The following SPECC1 variants were observed in gnomAD, a reference collection of about 807,000 sequenced individuals.
SPECC1 encodes the protein cytospin-B.
A neutral mutation model predicts 104.1 loss-of-function variants in SPECC1; 62 were observed. The observed-to-expected ratio is 0.60, with a 90% CI of 0.49 to 0.74. The LOEUF (loss-of-function observed/expected upper bound fraction) is 0.74, where lower values mean the gene tolerates loss of function less well. Among genes scored for constraint, SPECC1 ranks in the 30% least tolerant of loss-of-function variants. The pLI, the probability that SPECC1 is intolerant of heterozygous loss-of-function variation, is 0.00. For synonymous variants in SPECC1, 513 were observed against 501.6 expected (o/e 1.02, Z -0.30); for missense variants, 1,306 against 1,310.5 (o/e 1.00, Z 0.05).
chr17:20,239,368 A>G, intron 7 of SPECC1: 2 of 774,046 alleles, frequency 2.6e-6, no homozygotes, highest in Non-Finnish European at 3.2e-6. Flanking sequence ...TTCTTTACTC[A>G]TGAATATGTA....
intron 10 of SPECC1, among the ~76,000 whole-genome samples, chr17:20,256,112 C>T (rs1362106792): frequency 6.6e-6 from 1 of 151,652 alleles, no homozygotes; most frequent in Admixed American, 6.6e-5. Flanking sequence ...CTCCTGACCT[C>T]GTAATCCACC....
At chr17:20,246,354 A>G (rs1025726075) in intron 8 of SPECC1, among the ~76,000 whole-genome samples, 3 of 152,176 alleles carry the variant, frequency 2.0e-5, no homozygotes, top group South Asian at 2.1e-4. Flanking sequence ...TCTGCCTCTC[A>G]TAGCCATTAA....
intron 12 of SPECC1, among the ~76,000 whole-genome samples, chr17:20,270,753 AAGGGTGTGTTACACT>A (rs1217706957): frequency 6.6e-6 from 1 of 152,196 alleles, no homozygotes; most frequent in Non-Finnish European, 1.5e-5. Context: ...GTTTTTGCAA[AAGGGTGTGTTACACT>A]TTCCATTTTA....
intron 3 of SPECC1, among the ~76,000 whole-genome samples, chr17:20,189,988 T>G (rs1040681254): frequency 6.6e-6 from 1 of 152,238 alleles, no homozygotes; most frequent in Non-Finnish European, 1.5e-5. Context: ...TTTTGTGTTT[T>G]TTTCCCTCCA....
intron 1 of SPECC1, among the ~76,000 whole-genome samples, chr17:20,031,272 GT>G (rs2044799096): frequency 6.6e-6 from 1 of 152,104 alleles, no homozygotes; most frequent in Non-Finnish European, 1.5e-5. Context: ...GGCATTATAG[GT>G]GTGAGCCACC....
At chr17:20,049,458 C>T (rs888160951) in intron 1 of SPECC1, among the ~76,000 whole-genome samples, 19 of 152,054 alleles carry the variant, frequency 1.2e-4, no homozygotes, top group South Asian at 6.2e-4. Flanking sequence ...TCTTATGTGC[C>T]GAAGAGCCAT....
At chr17:20,268,222 T>C (rs2040280115) in intron 12 of SPECC1, among the ~76,000 whole-genome samples, 2 of 152,200 alleles carry the variant, frequency 1.3e-5, no homozygotes, top group Admixed American at 1.3e-4. Context: ...ACCTACACTA[T>C]CATTAAGGGA....
intron 3 of SPECC1, among the ~76,000 whole-genome samples, chr17:20,154,340 T>G (rs1197736790): frequency 6.6e-6 from 1 of 152,064 alleles, no homozygotes; most frequent in Non-Finnish European, 1.5e-5. Flanking sequence ...GCCCCCTTAG[T>G]AGGGTGACAT....
intron 12 of SPECC1, among the ~76,000 whole-genome samples, chr17:20,278,303 T>G (rs2151658737): frequency 6.6e-6 from 1 of 152,212 alleles, no homozygotes; most frequent in African/African-American, 2.4e-5. Flanking sequence ...AGGTCCATAT[T>G]GGAGAATTAG....
At position 20,112,308 on chromosome 17, in the gene SPECC1, A is replaced by C. The variant is rs1395487135; in HGVS notation, c.283+1746A>C. On this transcript the variant is annotated intron_variant, in intron 3 of 14. Transcript: ENST00000395527. ...TGGAGAGCTTATTGTACATGATGGC[A>C]TTAATTTATTGGATATGTTAGAAGA... The C allele has an allele frequency of 5.3e-6, 4 of 758,982 alleles. No individual in the cohort carries two copies. In the African/African-American group the frequency reaches 6.8e-5, roughly 13 times the overall value. 47.0% of individuals were successfully genotyped at this position (758,982 alleles called of 1,614,324 possible).
chr17:20,064,760 G>A (rs549244987), intron 1 of SPECC1, among the ~76,000 whole-genome samples: 2 of 152,300 alleles, frequency 1.3e-5, no homozygotes, highest in Middle Eastern at 3.4e-3. Flanking sequence ...TTGCCTTTAT[G>A]TTTTCACAGG....
intron 7 of SPECC1, chr17:20,239,037 A>AGTTGTAAATAGGAG: frequency 9.7e-7 from 1 of 1,033,730 alleles, no homozygotes; most frequent in Non-Finnish European, 1.2e-6. Flanking sequence ...GCTGGATGTA[A>AGTTGTAAATAGGAG]GTTGTAAATA....
chr17:20,050,910 G>A (rs1244527711), intron 1 of SPECC1, among the ~76,000 whole-genome samples: 1 of 152,178 alleles, frequency 6.6e-6, no homozygotes, highest in Non-Finnish European at 1.5e-5. Context: ...AGCTGGTAAA[G>A]AGGAACTTCT....
At chr17:20,133,951 C>A (rs528171774) in intron 3 of SPECC1, among the ~76,000 whole-genome samples, 21 of 152,046 alleles carry the variant, frequency 1.4e-4, no homozygotes, top group Non-Finnish European at 2.8e-4. Context: ...TGAAGTGTTT[C>A]TTGGGGCCCA....
chr17:20,101,174 T>G (rs1053617556), intron 2 of SPECC1, among the ~76,000 whole-genome samples: 1 of 152,216 alleles, frequency 6.6e-6, no homozygotes, highest in Non-Finnish European at 1.5e-5. Context: ...CCGTTGGGTA[T>G]ATACCCAATA....
At chr17:20,270,214 A>AC (rs2040353973) in intron 12 of SPECC1, among the ~76,000 whole-genome samples, 1 of 152,088 alleles carries the variant, frequency 6.6e-6, no homozygotes, top group African/African-American at 2.4e-5. Flanking sequence ...AACATTGGGA[A>AC]TGTGCTAAAA....
intron 13 of SPECC1, among the ~76,000 whole-genome samples, chr17:20,305,442 A>T (rs1375411953): frequency 6.6e-6 from 1 of 152,178 alleles, no homozygotes; most frequent in Non-Finnish European, 1.5e-5. Context: ...CTATAGTGTA[A>T]GGAGGAGGCA....
Position 20,318,601 on chromosome 17 carries a change from A to G in SPECC1, c.*4536A>G, listed in dbSNP as rs1433795159. On this transcript the variant is annotated 3_prime_UTR_variant, in exon 15 of 15. Transcript: ENST00000395527. ...TTGTGGAGATGGAGGACTCGGGCCC[A>G]TAGATGCAGACCCCCTACCAAATCT... 2 of 229,234 alleles carry G rather than the reference A, an allele frequency of 8.7e-6. No homozygotes were observed. The highest frequency in any genetic ancestry group is 1.7e-5 in the Non-Finnish European group (2 of 115,626). The allele number at this position is 229,234 out of a possible 1,614,324, so 14.2% of individuals were successfully genotyped here. A position where few individuals can be genotyped will look rare whatever the true frequency, so the allele number is the denominator to read the frequency against.
intron 1 of SPECC1, among the ~76,000 whole-genome samples, chr17:20,019,968 G>A (rs1366302482): frequency 1.3e-5 from 2 of 152,214 alleles, no homozygotes; most frequent in African/African-American, 2.4e-5. Context: ...TGAACAGTAA[G>A]TCATAGTTAT....
Sources: gnomAD v4.1 joint callset for allele counts (sites outside exome capture counted in the v4.1 genomes callset) on GRCh38, gnomAD v4.1.1 for gene constraint, MANE v1.5 for transcripts, NCBI Gene and HGNC (gene_info 2026-07-23, HGNC 2026-07-21) for gene names.